SLA2: variants seen among roughly 807,000 people sequenced by gnomAD.
SLA2 encodes the protein Src like adaptor 2, also known as src-like-adapter 2.
In SLA2, 22 loss-of-function variants were observed where a neutral mutation model predicts 27.3. The ratio of observed to expected loss-of-function variants is 0.81; its 90% CI spans 0.58 to 1.15. SLA2 has a LOEUF of 1.15. Among genes scored for constraint, SLA2 ranks in the 50% most tolerant of loss-of-function variants. The probability of loss-of-function intolerance (pLI) is 0.00; values close to 1 mark genes in which losing one functional copy is unlikely to be tolerated. For synonymous variants in SLA2, 131 were observed against 137.8 expected (o/e 0.95, Z 0.34); for missense variants, 304 against 322.2 (o/e 0.94, Z 0.43).
At chr20:36,645,405 C>T (rs1298927006) in intron 1 of SLA2, among the ~76,000 whole-genome samples, 1 of 152,014 alleles carries the variant, frequency 6.6e-6, no homozygotes, top group Non-Finnish European at 1.5e-5. Context: ...AAAGGGAGAC[C>T]TCTCCCTCTC....
chr20:36,636,427 CAAAAAAAAAA>C (rs71186007), intron 2 of SLA2, among the ~76,000 whole-genome samples: 1 of 61,436 alleles, frequency 1.6e-5, no homozygotes, highest in Admixed American at 2.1e-4. Context: ...GACTCCGTCT[CAAAAAAAAAA>C]AAAAAAAAAA....
chr20:36,624,025 G>A (rs2039311081), intron 5 of SLA2, among the ~76,000 whole-genome samples: 1 of 152,060 alleles, frequency 6.6e-6, no homozygotes, highest in Admixed American at 6.6e-5. Context: ...GGATCTGGTT[G>A]GTGGTCTCAG....
Position 36,641,367 on chromosome 20 carries a change from A to G in SLA2, c.-32T>C, listed in dbSNP as rs1350484966. 6.3e-7 allele frequency: 1 copy of G among 1,581,126 alleles called. No individual in the cohort carries two copies. The highest frequency in any genetic ancestry group is 1.3e-5 in the African/African-American group (1 of 74,296). ...TCAGCAGAGCACTCAGAAGCACATC[A>G]TCGAGGGAAATCTGAAAGAGACACA... On this transcript the variant is annotated 5_prime_UTR_variant, in exon 2 of 8. An upstream start codon of the reference 5' UTR is lost. Transcript: ENST00000262866.
intron 6 of SLA2, chr20:36,614,816 C>T (rs1450528187): frequency 4.1e-5 from 40 of 985,218 alleles, no homozygotes; most frequent in Non-Finnish European, 4.7e-5. Context: ...TCCCTCTCTG[C>T]CCCCTGACGC....
Position 36,641,357 on chromosome 20 carries a change from G to C in SLA2, c.-22C>G. ...CCATTGTTCCTCAGCAGAGCACTCA[G>C]AAGCACATCATCGAGGGAAATCTGA... On this transcript the variant is annotated 5_prime_UTR_variant, in exon 2 of 8. Transcript: ENST00000262866. The C allele has an allele frequency of 6.2e-7, 1 of 1,603,086 alleles. No individual in the cohort carries two copies. Among genetic ancestry groups the C allele is most frequent in the Non-Finnish European group, 8.5e-7 (1 of 1,170,196 alleles).
chr20:36,620,992 G>A (rs922043867), intron 5 of SLA2: 1 of 361,062 alleles, frequency 2.8e-6, no homozygotes, highest in Non-Finnish European at 5.5e-6. Flanking sequence ...AGGTTACAGA[G>A]GAAACTTTGG....
At chr20:36,629,829 C>T (rs2039375796) in intron 5 of SLA2, among the ~76,000 whole-genome samples, 1 of 151,826 alleles carries the variant, frequency 6.6e-6, no homozygotes, top group Admixed American at 6.6e-5. Context: ...TCCCAGCTAC[C>T]AGGGAGGCTG....
chr20:36,633,637 G>A lies in SLA2; in HGVS notation c.192-8C>T. 2 of 1,610,578 alleles carry A rather than the reference G, an allele frequency of 1.2e-6. No individual in the cohort carries two copies. The highest frequency in any genetic ancestry group is 1.7e-6 in the Non-Finnish European group (2 of 1,176,948). On this transcript the variant is annotated splice_polypyrimidine_tract_variant and splice_region_variant and intron_variant, in intron 3 of 7. Transcript: ENST00000262866. ...GTCCACCAGTCTCCATCCCTGGAGAGAGAAAGGAGTGGGGGCACCTCTTTC... is the reference window on the plus strand; with the variant it reads ...GTCCACCAGTCTCCATCCCTGGAGAAAGAAAGGAGTGGGGGCACCTCTTTC...
At chr20:36,636,760 C>T (rs1427651753) in intron 2 of SLA2, among the ~76,000 whole-genome samples, 2 of 150,634 alleles carry the variant, frequency 1.3e-5, no homozygotes, top group Non-Finnish European at 3.0e-5. Context: ...CCAGCCTGGC[C>T]AACATGGTGA....
intron 5 of SLA2, among the ~76,000 whole-genome samples, chr20:36,626,842 CA>C (rs539777775): frequency 0.084 from 6,478 of 77,426 alleles, 353 homozygotes; most frequent in African/African-American, 0.24. Flanking sequence ...GACTCCATCT[CA>C]AAAAAAAAAA....
chr20:36,612,489 G>A lies in SLA2; in HGVS notation c.*1377C>T. 2.0e-6 allele frequency: 1 copy of A among 508,906 alleles called. No homozygotes were observed. The highest frequency in any genetic ancestry group is 3.6e-6 in the Non-Finnish European group (1 of 280,578). 31.5% of individuals were successfully genotyped at this position (508,906 alleles called of 1,614,324 possible). A position where few individuals can be genotyped will look rare whatever the true frequency, so the allele number is the denominator to read the frequency against. On this transcript the variant is annotated 3_prime_UTR_variant, in exon 8 of 8. Transcript: ENST00000262866. ...CGTGGTCCATAGCACAGTACATGCA[G>A]CATCTAATAAGAGTTTCCATTGTAG...
chr20:36,614,911 A>G lies in SLA2; in HGVS notation c.532+314T>C, dbSNP rs2039190151. On this transcript the variant is annotated intron_variant, in intron 6 of 7. Coordinates refer to ENST00000262866, the MANE Select transcript of SLA2 (RefSeq NM_032214.4). ...GGAGAGTCAGGATTGAATCCCACAC[A>G]GCAGCAGCTCTGTGCCCGGTTCCTG... is the stretch of plus-strand genomic sequence containing the variant. 4 of 985,284 alleles carry G rather than the reference A, an allele frequency of 4.1e-6. No individual in the cohort carries two copies. The South Asian group carries it at 1.4e-4, about 35-fold the overall frequency. The allele number at this position is 985,284 out of a possible 1,614,324, so 61.0% of individuals were successfully genotyped here.
chr20:36,640,361 T>C (rs1336294991), intron 2 of SLA2, among the ~76,000 whole-genome samples: 1 of 152,162 alleles, frequency 6.6e-6, no homozygotes, highest in Non-Finnish European at 1.5e-5. Context: ...GGTAATTTCA[T>C]AGTACCTCTC....
At chr20:36,615,113 C>A in intron 6 of SLA2, 112 bp downstream of exon 6, 1 of 1,523,024 alleles carries the variant, frequency 6.6e-7, no homozygotes, top group South Asian at 1.3e-5. Context: ...GGGGAGGCCG[C>A]TCTTCTGTCT....
chr20:36,613,919 G>C lies in SLA2; in HGVS notation c.733C>G (p.Leu245Val). 6.2e-7 allele frequency: 1 copy of C among 1,614,086 alleles called. No individual in the cohort carries two copies. Among genetic ancestry groups the C allele is most frequent in the Non-Finnish European group, 8.5e-7 (1 of 1,179,982 alleles). Reference protein sequence around the residue: ...SLLSEGLRESLSFYISLNDEA... With the variant: ...SLLSEGLRESVSFYISLNDEA... Reference sequence around the variant, plus strand: ...TCATTCAGGCTGATGTAGAAGCTGAGGGACTCCCGGAGACCCTCACTGAGA... The same window carrying C: ...TCATTCAGGCTGATGTAGAAGCTGACGGACTCCCGGAGACCCTCACTGAGA... The change falls in exon 8 of 8, where the codon CTC becomes GTC. Residue 245 changes from leucine (L) to valine (V), a missense_variant. Transcript: ENST00000262866.
chr20:36,640,354 A>T (rs1387900545), intron 2 of SLA2, among the ~76,000 whole-genome samples: 2 of 152,144 alleles, frequency 1.3e-5, no homozygotes, highest in East Asian at 3.8e-4. Flanking sequence ...CACTTCAGGT[A>T]ATTTCATAGT....
At chr20:36,631,174 A>G (rs763740417) in intron 5 of SLA2, among the ~76,000 whole-genome samples, 14 of 143,210 alleles carry the variant, frequency 9.8e-5, no homozygotes, top group Non-Finnish European at 2.1e-4. Context: ...ATTTTTTGAA[A>G]TGGAGTCTGG....
Position 36,614,087 on chromosome 20 carries a change from G to A in SLA2, c.666-101C>T. On this transcript the variant is annotated intron_variant, in intron 7 of 7. Transcript: ENST00000262866. The stretch of plus-strand genomic sequence containing the variant: ...GTTCTCAAAACCCTTCACTCCTGCT[G>A]AGGACCTCATGGGGCTCCCCTGTTC... 9 of 1,537,128 alleles carry A rather than the reference G, an allele frequency of 5.9e-6. No homozygotes were observed. The South Asian group carries it at 9.8e-5, about 17-fold the overall frequency.
chr20:36,616,211 G>A (rs112488122), intron 5 of SLA2, among the ~76,000 whole-genome samples: 18 of 152,112 alleles, frequency 1.2e-4, no homozygotes, highest in African/African-American at 3.9e-4. Flanking sequence ...AAGTGGGCGC[G>A]TGGATGTCAG....
Sources: allele counts gnomAD v4.1 joint callset (sites outside exome capture counted in the v4.1 genomes callset), GRCh38; gene constraint gnomAD v4.1.1; transcripts MANE v1.5; gene names NCBI Gene and HGNC (gene_info 2026-07-23, HGNC 2026-07-21).